The following DNHD1 variants were observed in gnomAD, a reference collection of about 807,000 sequenced individuals.
DNHD1 encodes dynein heavy chain domain-containing protein 1.
Under a neutral mutation model 458.1 loss-of-function variants are expected in DNHD1, and 383 were observed. The observed-to-expected ratio is 0.84, with a 90% confidence interval of 0.77 to 0.91. The LOEUF (loss-of-function observed/expected upper bound fraction) is 0.91, where lower values mean the gene tolerates loss of function less well. Ranked by LOEUF, DNHD1 falls within the 40% of genes least tolerant of loss-of-function variation. The probability of loss-of-function intolerance (pLI) is 0.00; values close to 1 mark genes in which losing one functional copy is unlikely to be tolerated. For missense variants in DNHD1, 5,336 were observed against 5,866.1 expected, an observed-to-expected ratio of 0.91 and a Z score of 2.95; for synonymous variants, 2,203 against 2,376.9, an observed-to-expected ratio of 0.93 and a Z score of 2.13.
intron 7 of DNHD1, among the ~76,000 whole-genome samples, chr11:6,519,142 C>T (rs1191685025): frequency 2.6e-5 from 4 of 152,152 alleles, no homozygotes; most frequent in Non-Finnish European, 5.9e-5. Context: ...TATATCAGTG[C>T]CCAGAAACAG....
chr11:6,508,901 G>A lies in DNHD1; in HGVS notation c.942G>A (p.Val314=), dbSNP rs746938233. The A allele has an allele frequency of 1.9e-6, 3 of 1,614,062 alleles. No homozygotes were observed. In the East Asian group the frequency reaches 6.7e-5, roughly 36 times the overall value. ...AAAGGCCTTACAGCCTGATGGTGGT[G>A]CCACCCGACAAGGTGAATCCCGAGC... The part of the protein sequence containing the change: ...RYFRPYSLMV[V]PPDKVNPEHY... Residue 314 remains valine, a synonymous_variant, in exon 5 of 43, where the codon GTG becomes GTA. Coordinates refer to ENST00000254579, the MANE Select transcript of DNHD1 (RefSeq NM_144666.3).
In DNHD1 at chr11:6,559,146, C is replaced by T. The variant is rs1335191550; in HGVS notation, c.9417-35C>T. The T allele has an allele frequency of 2.6e-6, 4 of 1,551,538 alleles. No individual in the cohort carries two copies. The Admixed American group carries it at 5.9e-5, about 23-fold the overall frequency. On this transcript the variant is annotated intron_variant, in intron 27 of 42. Coordinates refer to ENST00000254579, the MANE Select transcript of DNHD1 (RefSeq NM_144666.3). Reference sequence around the variant, plus strand: ...CCCTGCAGTGTACCTCCTTCTGCTCCTTTGGGTTTCCTCACCAGCACATTG... The same window carrying T: ...CCCTGCAGTGTACCTCCTTCTGCTCTTTTGGGTTTCCTCACCAGCACATTG...
At chr11:6,561,001 A>G (rs912306375) in intron 28 of DNHD1, among the ~76,000 whole-genome samples, 2 of 152,144 alleles carry the variant, frequency 1.3e-5, no homozygotes, top group Non-Finnish European at 2.9e-5. Flanking sequence ...TTCTCACTTT[A>G]CAGATGAGAA....
chr11:6,512,830 G>A (rs1852373686), intron 7 of DNHD1, among the ~76,000 whole-genome samples: 1 of 152,092 alleles, frequency 6.6e-6, no homozygotes, highest in Admixed American at 6.6e-5. Context: ...CAGGAACCTA[G>A]GGATATTATT....
intron 7 of DNHD1, among the ~76,000 whole-genome samples, chr11:6,514,090 C>A (rs1852404576): frequency 1.3e-5 from 2 of 152,106 alleles, no homozygotes. Context: ...TCATGATCCA[C>A]CTGCCTCAGC....
Position 6,571,660 on chromosome 11 carries a change from G to T in DNHD1, c.13936G>T (p.Val4646Phe). 1 of 1,602,126 alleles carries T rather than the reference G, an allele frequency of 6.2e-7. No individual in the cohort carries two copies. The highest frequency in any genetic ancestry group is 8.5e-7 in the Non-Finnish European group (1 of 1,173,742). ...FRVENGPNPT[V>F]PERGLLLIGL... The stretch of plus-strand genomic sequence containing the variant: ...GGTGGAGAATGGTCCAAATCCCACG[G>T]TTCCAGAGAGAGGGCTGCTGCTGAT... The change falls in exon 43 of 43, where the codon GTT becomes TTT. Residue 4646 changes from valine to phenylalanine, a missense_variant. Val to Phe is a conservative substitution (Grantham distance 50). Transcript: ENST00000254579. The surrounding 1 kb of genome is among the most constrained non-coding windows in gnomAD (Gnocchi z 5.0).
chr11:6,508,835 A>G, intron 4 of DNHD1, 45 bp from the exon 5 acceptor site: 1 of 1,602,366 alleles, frequency 6.2e-7, no homozygotes, highest in Non-Finnish European at 8.5e-7. Flanking sequence ...TTAAAGTCTG[A>G]CCACGTTCCC....
At chr11:6,561,701 CAAAT>C (rs1342286473) in intron 28 of DNHD1, among the ~76,000 whole-genome samples, 2 of 152,184 alleles carry the variant, frequency 1.3e-5, no homozygotes, top group African/African-American at 2.4e-5. Flanking sequence ...ACTGTATAAA[CAAAT>C]GAATGAAGTA....
At chr11:6,558,436 G>A (rs1320024490) in intron 25 of DNHD1, 49 bp from the exon 26 acceptor site, 2 of 1,546,244 alleles carry the variant, frequency 1.3e-6, no homozygotes, top group South Asian at 1.2e-5. Flanking sequence ...GGGCCAGGAG[G>A]GGCAAGCAAA....
In DNHD1 at chr11:6,547,620, G is replaced by A. The variant is rs1853252259; in HGVS notation, c.6681G>A (p.Leu2227=). Residue 2227 remains leucine (L), a synonymous_variant, in exon 21 of 43, where the codon CTG becomes CTA. Transcript: ENST00000254579. ...VTSMARILHS[L]LDLHLRLKEE... is the part of the protein sequence containing the mutation. The stretch of plus-strand genomic sequence containing the variant: ...GCATGGCACGCATCTTGCATAGTCT[G>A]CTTGACCTCCACCTTCGCCTAAAGG... The A allele has an allele frequency of 1.3e-6, 2 of 1,538,626 alleles. No homozygotes were observed. Among genetic ancestry groups the A allele is most frequent in the Admixed American group, 2.0e-5 (1 of 50,604 alleles).
rs1853246151 is a variant in DNHD1, at chr11:6,547,423, G to A, written c.6484G>A (p.Ala2162Thr). ...TWQCILSALM[A>T]SLPYEYRLQH... ...GCAGTGTATACTTAGTGCCCTGATGGCATCCCTTCCTTATGAGTACCGCCT... is the reference window on the plus strand; with the variant it reads ...GCAGTGTATACTTAGTGCCCTGATGACATCCCTTCCTTATGAGTACCGCCT... Residue 2162 changes from alanine (A) to threonine (T), a missense_variant, in exon 21 of 43, where the codon GCA (alanine) becomes ACA (threonine). Ala to Thr is a moderately conservative substitution (Grantham distance 58). Coordinates refer to ENST00000254579, the MANE Select transcript of DNHD1 (RefSeq NM_144666.3). 1.3e-6 allele frequency: 2 copies of A among 1,551,708 alleles called. No homozygotes were observed. Among genetic ancestry groups the A allele is most frequent in the South Asian group, 2.4e-5 (2 of 84,060 alleles).
Position 6,568,199 on chromosome 11 carries a change from A to G in DNHD1, c.12495A>G (p.Lys4165=), listed in dbSNP as rs1360179746. ...GTCATCTGATGCCCCATTGGCCGAA[A>G]GAGCTGCTACAGCTCTTGCTGGAAC... ...DNCHLMPHWP[K]ELLQLLLELL... is the part of the protein sequence containing the mutation. The change falls in exon 37 of 43, where the codon AAA becomes AAG. Residue 4165 remains lysine (K), a synonymous_variant. Coordinates refer to ENST00000254579, the MANE Select transcript of DNHD1 (RefSeq NM_144666.3). 7.7e-6 allele frequency: 12 copies of G among 1,552,432 alleles called. No homozygotes were observed. The highest frequency in any genetic ancestry group is 1.0e-5 in the Non-Finnish European group (12 of 1,147,296).
intron 8 of DNHD1, 40 bp from the exon 9 acceptor site, chr11:6,519,925 C>T (rs763402834): frequency 6.2e-7 from 1 of 1,613,506 alleles, no homozygotes; most frequent in Non-Finnish European, 8.5e-7. Flanking sequence ...TGTATACTGA[C>T]ATCTAGCCCC....
In DNHD1 at chr11:6,547,599, G is replaced by A; in HGVS notation, c.6660G>A (p.Met2220Ile). The A allele has an allele frequency of 6.5e-7, 1 of 1,547,488 alleles. No individual in the cohort carries two copies. Among genetic ancestry groups the A allele is most frequent in the Non-Finnish European group, 8.7e-7 (1 of 1,143,714 alleles). ...CAGGTGTGGCAGAAGTTACCAGCAT[G>A]GCACGCATCTTGCATAGTCTGCTTG... ...VCAGVAEVTS[M>I]ARILHSLLDL... is the part of the protein sequence containing the mutation. The change falls in exon 21 of 43, where the codon ATG becomes ATA. Residue 2220 changes from methionine (M) to isoleucine (I), a missense_variant. Coordinates refer to ENST00000254579, the MANE Select transcript of DNHD1 (RefSeq NM_144666.3).
intron 18 of DNHD1, among the ~76,000 whole-genome samples, chr11:6,543,511 A>G (rs891850578): frequency 6.5e-5 from 8 of 122,476 alleles, no homozygotes; most frequent in Non-Finnish European, 1.5e-4. Flanking sequence ...AAGCACTTCC[A>G]TGGAGTTACG....
At position 6,570,914 on chromosome 11, in the gene DNHD1, G is replaced by A. The variant is rs750867659; in HGVS notation, c.13402G>A (p.Ala4468Thr). The A allele has an allele frequency of 8.7e-6, 14 of 1,613,268 alleles. No individual in the cohort carries two copies. The African/African-American group carries it at 1.5e-4, about 17-fold the overall frequency. ...CGTGATTCGCCAAGACGAGTCCGAC[G>A]CCCCGTGGTCAGTGCTGGGGCCAAA... is the stretch of plus-strand genomic sequence containing the variant. ...THVIRQDESD[A>T]PWSVLGPNAR... Residue 4468 changes from alanine to threonine, a missense_variant, in exon 42 of 43, where the codon GCC (alanine) becomes ACC (threonine). Ala to Thr is a moderately conservative substitution (Grantham distance 58). This residue lies in a region of DNHD1 where 698 missense variants were observed against 664.9 expected (regional missense o/e 1.05). Transcript: ENST00000254579.
chr11:6,543,949 ACT>A (rs1372224775), intron 18 of DNHD1, among the ~76,000 whole-genome samples, 170 bp from the exon 19 acceptor site: 2 of 114,326 alleles, frequency 1.7e-5, no homozygotes, highest in Non-Finnish European at 3.5e-5. Flanking sequence ...ACAAAGCGAG[ACT>A]CTGTCTCAAA....
At chr11:6,555,294 G>A (rs559169770) in intron 24 of DNHD1, among the ~76,000 whole-genome samples, 8 of 152,008 alleles carry the variant, frequency 5.3e-5, no homozygotes, top group Non-Finnish European at 1.2e-4. Flanking sequence ...ATGGAGGACT[G>A]ATCTCCCGGC....
chr11:6,567,881 C>T (rs1853744489), intron 36 of DNHD1, 21 bp downstream of exon 36: 4 of 1,591,816 alleles, frequency 2.5e-6, no homozygotes, highest in Non-Finnish European at 3.4e-6. Flanking sequence ...AGTTTCTTGG[C>T]CACAGAGTGA....
Sources: allele counts gnomAD v4.1 joint callset (sites outside exome capture counted in the v4.1 genomes callset), GRCh38; gene constraint gnomAD v4.1.1; regional missense constraint gnomAD v4.1.1; non-coding constraint Gnocchi (gnomAD v3.1); transcripts MANE v1.5; gene names NCBI Gene and HGNC (gene_info 2026-07-23, HGNC 2026-07-21).